WWC1: variants seen among roughly 807,000 people sequenced by gnomAD.
WWC1 encodes the protein protein KIBRA.
WWC1 carries 55 observed loss-of-function variants against 138.4 expected under a neutral mutation model. The observed-to-expected ratio is 0.40, with a 90% CI of 0.32 to 0.50. The LOEUF is 0.50. Among genes scored for constraint, WWC1 ranks in the 20% least tolerant of loss-of-function variants. WWC1 has a pLI of 0.72. For synonymous variants in WWC1, 524 were observed against 564.9 expected (o/e 0.93, Z 1.03); for missense variants, 1,226 against 1,420.4 (o/e 0.86, Z 2.20).
chr5:168,428,695 G>A lies in WWC1; in HGVS notation c.1920-12G>A, dbSNP rs770671376. 1 of 1,613,840 alleles carries A rather than the reference G, an allele frequency of 6.2e-7. No homozygotes were observed. The stretch of plus-strand genomic sequence containing the variant: ...AGGGAAGCCTAACTCCTCCTCCCCT[G>A]TTGCCTTTCAGACTGGGTGCTTCAG... On this transcript the variant is annotated splice_polypyrimidine_tract_variant and intron_variant, in intron 12 of 22. Coordinates refer to ENST00000265293, the MANE Select transcript of WWC1 (RefSeq NM_015238.3).
At chr5:168,447,487 A>G (rs1322262028) in intron 17 of WWC1, among the ~76,000 whole-genome samples, 1 of 152,220 alleles carries the variant, frequency 6.6e-6, no homozygotes, top group African/African-American at 2.4e-5. Context: ...ATTTATGGAC[A>G]CTGAAATTTG....
intron 20 of WWC1, 128 bp from the exon 21 acceptor site, chr5:168,464,601 G>A: frequency 2.1e-6 from 3 of 1,433,638 alleles, no homozygotes; most frequent in South Asian, 3.0e-5. Context: ...GCTTCCCAGG[G>A]AAGGGCAAGC....
At chr5:168,371,245 T>G (rs1776730594) in intron 1 of WWC1, among the ~76,000 whole-genome samples, 179 bp from the exon 2 acceptor site, 1 of 152,236 alleles carries the variant, frequency 6.6e-6, no homozygotes, top group Non-Finnish European at 1.5e-5. Context: ...ATCCTGCTGC[T>G]GCAGCTATGT....
In WWC1 at chr5:168,423,664, C is replaced by G. The variant is rs1582246741; in HGVS notation, c.1406C>G (p.Pro469Arg). ...AGCTTCACTGACCTCTACTATGACC[C>G]CTTTGAGCAGCTGGACTCAGAGCTG... Reference protein sequence around the residue: ...SASFTDLYYDPFEQLDSELQS... With the variant: ...SASFTDLYYDRFEQLDSELQS... The change falls in exon 11 of 23, where the codon CCC becomes CGC. Residue 469 changes from proline to arginine, a missense_variant. By Grantham distance (103) the Pro-to-Arg change is moderately radical. Transcript: ENST00000265293. 3 of 1,614,174 alleles carry G rather than the reference C, an allele frequency of 1.9e-6. No homozygotes were observed. The highest frequency in any genetic ancestry group is 1.3e-5 in the African/African-American group (1 of 75,056).
In WWC1 at chr5:168,378,966, G is replaced by A. The variant is rs559007840; in HGVS notation, c.230-6245G>A. 1.5e-4 allele frequency among the ~76,000 whole-genome samples: 23 copies of A among 152,230 alleles called. No homozygotes were observed. In the South Asian group the frequency reaches 4.8e-3, roughly 32 times the overall value. On this transcript the variant is annotated intron_variant, in intron 2 of 22. Transcript: ENST00000265293. ...CAGGTGTGTGGCAAGTGTAGGAAGG[G>A]ATGGGTGTATGGAGAACTCATGAGT...
intron 5 of WWC1, 144 bp downstream of exon 5, chr5:168,399,711 C>A (rs1418616909): frequency 2.4e-6 from 2 of 830,950 alleles, no homozygotes; most frequent in Non-Finnish European, 3.8e-6. Flanking sequence ...TTCTGTTCCA[C>A]TGGCATTTCC....
chr5:168,412,643 ATAAC>A (rs1780317603), intron 8 of WWC1, among the ~76,000 whole-genome samples: 1 of 152,226 alleles, frequency 6.6e-6, no homozygotes, highest in African/African-American at 2.4e-5. Context: ...GTGAATTTAA[ATAAC>A]TAACTACAGT....
chr5:168,381,352 C>T (rs765799993), intron 2 of WWC1, among the ~76,000 whole-genome samples: 7 of 152,232 alleles, frequency 4.6e-5, no homozygotes, highest in South Asian at 2.1e-4. Flanking sequence ...ACCTAGGTGT[C>T]GCTTAGGGAA....
chr5:168,406,349 T>A (rs958157831), intron 6 of WWC1, 22 bp downstream of exon 6: 1 of 1,612,644 alleles, frequency 6.2e-7, no homozygotes, highest in Non-Finnish European at 8.5e-7. Context: ...CCTGTTGATG[T>A]GGGTGCCATC....
At chr5:168,360,118 C>G (rs4976548) in intron 1 of WWC1, among the ~76,000 whole-genome samples, 2 of 152,170 alleles carry the variant, frequency 1.3e-5, no homozygotes, top group Admixed American at 1.3e-4. Flanking sequence ...CTGTAGCACC[C>G]GTTCCACCAG....
intron 11 of WWC1, 134 bp downstream of exon 11, chr5:168,424,202 A>G (rs1317739145): frequency 3.5e-6 from 4 of 1,148,646 alleles, no homozygotes; most frequent in Non-Finnish European, 4.8e-6. Context: ...TATGGCAAGT[A>G]TATTTATTCA....
intron 1 of WWC1, among the ~76,000 whole-genome samples, chr5:168,344,272 C>CT (rs1229222682): frequency 6.6e-6 from 1 of 152,172 alleles, no homozygotes; most frequent in Non-Finnish European, 1.5e-5. Flanking sequence ...AAAATGATTC[C>CT]TAGCCTGCAG....
chr5:168,459,903 A>T (rs772745668), intron 19 of WWC1, among the ~76,000 whole-genome samples: 12 of 152,090 alleles, frequency 7.9e-5, no homozygotes, highest in Non-Finnish European at 2.9e-5. Flanking sequence ...GGGTGCTGTC[A>T]TCCTACCCAC....
intron 1 of WWC1, among the ~76,000 whole-genome samples, chr5:168,363,638 T>C (rs1416280145): frequency 6.6e-6 from 1 of 152,084 alleles, no homozygotes; most frequent in Non-Finnish European, 1.5e-5. Context: ...ACAATTATTT[T>C]GCTTCAGTTT....
chr5:168,362,430 T>A (rs752789159), intron 1 of WWC1, among the ~76,000 whole-genome samples: 1 of 152,174 alleles, frequency 6.6e-6, no homozygotes, highest in Non-Finnish European at 1.5e-5. Flanking sequence ...AGCCAGTGAG[T>A]CTGGCTCCAG....
chr5:168,308,550 G>A (rs1770784418), intron 1 of WWC1, among the ~76,000 whole-genome samples: 1 of 152,114 alleles, frequency 6.6e-6, no homozygotes, highest in Non-Finnish European at 1.5e-5. Context: ...CTTGACCTTG[G>A]CAGAGGAGCT....
intron 1 of WWC1, among the ~76,000 whole-genome samples, chr5:168,352,439 G>A (rs1018728240): frequency 1.3e-5 from 2 of 152,066 alleles, no homozygotes; most frequent in Admixed American, 6.6e-5. Context: ...ATTGCATGGT[G>A]CATGGTGATT....
intron 5 of WWC1, among the ~76,000 whole-genome samples, chr5:168,401,210 A>G (rs976791188): frequency 6.6e-6 from 1 of 152,220 alleles, no homozygotes; most frequent in Non-Finnish European, 1.5e-5. Context: ...TAACAGACTC[A>G]TTCATTGAAT....
chr5:168,462,576 TCTC>T (rs1756912712), intron 20 of WWC1, among the ~76,000 whole-genome samples: 2 of 152,294 alleles, frequency 1.3e-5, no homozygotes, highest in African/African-American at 4.8e-5. Flanking sequence ...ATGCCACTGA[TCTC>T]CTACTTGCTC....
Sources: gnomAD v4.1 joint callset for allele counts (sites outside exome capture counted in the v4.1 genomes callset) on GRCh38, gnomAD v4.1.1 for gene constraint, MANE v1.5 for transcripts, NCBI Gene and HGNC (gene_info 2026-07-23, HGNC 2026-07-21) for gene names.